The following GALNT2 variants were observed in gnomAD, a reference collection of about 807,000 sequenced individuals.
GALNT2 encodes polypeptide N-acetylgalactosaminyltransferase 2, also known as UDP-GalNAc:polypeptide N-acetylgalactosaminyltransferase 2.
A neutral mutation model predicts 81.4 loss-of-function variants in GALNT2; 31 were observed. That is an observed-to-expected ratio of 0.38 (90% CI 0.29 to 0.51). The LOEUF (loss-of-function observed/expected upper bound fraction) is 0.51, where lower values mean the gene tolerates loss of function less well. GALNT2 is among the 20% of genes least tolerant of loss of function. The probability of loss-of-function intolerance (pLI) is 0.87; values close to 1 mark genes in which losing one functional copy is unlikely to be tolerated. For synonymous variants in GALNT2, 303 were observed against 287.4 expected (o/e 1.05, Z -0.55); for missense variants, 629 against 765.7 (o/e 0.82, Z 2.11).
chr1:230,160,005 C>T (rs1662381967), intron 1 of GALNT2, among the ~76,000 whole-genome samples: 1 of 152,130 alleles, frequency 6.6e-6, no homozygotes, highest in Non-Finnish European at 1.5e-5. Context: ...AGCAGCCGCA[C>T]CACCCAGGTG....
intron 14 of GALNT2, among the ~76,000 whole-genome samples, chr1:230,270,866 T>A (rs1041912679): frequency 6.6e-6 from 1 of 152,222 alleles, no homozygotes; most frequent in Non-Finnish European, 1.5e-5. Context: ...CAAATTCAGA[T>A]AATTGAAATG....
At chr1:230,148,514 C>T (rs1429199087) in intron 1 of GALNT2, among the ~76,000 whole-genome samples, 1 of 152,236 alleles carries the variant, frequency 6.6e-6, no homozygotes, top group Non-Finnish European at 1.5e-5. Flanking sequence ...TTCTAGCGGT[C>T]CCTCACTCGC....
chr1:230,250,246 CA>C (rs1665502113), intron 9 of GALNT2, among the ~76,000 whole-genome samples: 1 of 152,196 alleles, frequency 6.6e-6, no homozygotes, highest in Non-Finnish European at 1.5e-5. Flanking sequence ...AACATCCAGG[CA>C]GGGACAGTGG....
chr1:230,276,278 AC>A (rs1441675713), intron 15 of GALNT2, among the ~76,000 whole-genome samples: 1 of 152,036 alleles, frequency 6.6e-6, no homozygotes, highest in African/African-American at 2.4e-5. Flanking sequence ...TTGTGGACAC[AC>A]CCTTTCTCAA....
intron 1 of GALNT2, among the ~76,000 whole-genome samples, chr1:230,109,181 C>G (rs1660629176): frequency 6.6e-6 from 1 of 152,246 alleles, no homozygotes; most frequent in African/African-American, 2.4e-5. Context: ...GGGGGTCTCC[C>G]TGGGAGCTGC....
chr1:230,239,021 G>A (rs1012247198), intron 6 of GALNT2, among the ~76,000 whole-genome samples: 3 of 152,096 alleles, frequency 2.0e-5, no homozygotes, highest in Non-Finnish European at 2.9e-5. Context: ...AATGGATATA[G>A]GCGTATTCAG....
chr1:230,091,777 C>T (rs1660090677), intron 1 of GALNT2: 1 of 152,380 alleles, frequency 6.6e-6, no homozygotes, highest in Non-Finnish European at 1.5e-5. Context: ...TTCAGTTATC[C>T]CAGCACTGGC....
intron 1 of GALNT2, among the ~76,000 whole-genome samples, chr1:230,177,388 C>T (rs1367315534): frequency 6.6e-6 from 1 of 152,234 alleles, no homozygotes; most frequent in Admixed American, 6.5e-5. Context: ...CAATGCTTGG[C>T]TCACAGGAGT....
intron 1 of GALNT2, among the ~76,000 whole-genome samples, chr1:230,077,458 A>G (rs1558272503): frequency 1.3e-5 from 2 of 152,250 alleles, no homozygotes; most frequent in African/African-American, 2.4e-5. Context: ...TAGGAAAGAA[A>G]AAACACTGTC....
At position 230,162,697 on chromosome 1, in the gene GALNT2, C is replaced by T. The variant is rs12030220; in HGVS notation, c.127-15521C>T. Among the ~76,000 whole-genome samples the T allele has an allele frequency of 1.4e-4, 21 of 152,342 alleles. No individual in the cohort carries two copies. The East Asian group carries it at 4.1e-3, about 29-fold the overall frequency. ...TTTATAAAAACAGTATGTGACTTAA[C>T]TGTTTGACTGTAGGTCATAAGACCC... is the stretch of plus-strand genomic sequence containing the variant. On this transcript the variant is annotated intron_variant, in intron 1 of 15. Transcript: ENST00000366672.
rs1572128872 is a variant in GALNT2 at position 230,243,244 on chromosome 1, A to G, written c.608-62A>G. On this transcript the variant is annotated intron_variant, in intron 6 of 15. Coordinates refer to ENST00000366672, the MANE Select transcript of GALNT2 (RefSeq NM_004481.5). The surrounding 1 kb of genome is among the most constrained non-coding windows in gnomAD (Gnocchi z 4.2). ...GGGCAGGGAGGCGTCGCCGGTTGGCATGGGGTTGTGCTGGCCCTGTGGCTT... is the reference window on the plus strand; with the variant it reads ...GGGCAGGGAGGCGTCGCCGGTTGGCGTGGGGTTGTGCTGGCCCTGTGGCTT... The G allele has an allele frequency of 3.3e-6, 5 of 1,519,036 alleles. No individual in the cohort carries two copies. Among genetic ancestry groups the G allele is most frequent in the Middle Eastern group, 1.7e-4 (1 of 5,750 alleles). The allele number at this position is 1,519,036 out of a possible 1,614,324, so 94.1% of individuals were successfully genotyped here.
In GALNT2 at chr1:230,265,321, A is replaced by T. The variant is rs1666002506; in HGVS notation, c.1394A>T (p.Asp465Val). The T allele has an allele frequency of 3.1e-6, 5 of 1,614,208 alleles. No homozygotes were observed. Among genetic ancestry groups the T allele is most frequent in the Non-Finnish European group, 4.2e-6 (5 of 1,180,048 alleles). Residue 465 changes from aspartate (D) to valine (V), a missense_variant, in exon 14 of 16, where the codon GAT (aspartate) becomes GTT (valine). By Grantham distance (152) the Asp-to-Val change is radical (BLOSUM62 -3). This residue lies in a region of GALNT2 where 207 missense variants were observed against 225.5 expected (regional missense o/e 0.92). Coordinates refer to ENST00000366672, the MANE Select transcript of GALNT2 (RefSeq NM_004481.5). Reference protein sequence around the residue: ...NCLDTLGHFADGVVGVYECHN... With the variant: ...NCLDTLGHFAVGVVGVYECHN... ...CTCGACACTTTGGGACACTTTGCTG[A>T]TGGTGTGGTTGGAGTTTATGAATGT...
At chr1:230,162,182 A>G (rs1662456630) in intron 1 of GALNT2, among the ~76,000 whole-genome samples, 1 of 152,192 alleles carries the variant, frequency 6.6e-6, no homozygotes, top group African/African-American at 2.4e-5. Flanking sequence ...TTTCACAAGC[A>G]CTGAAGACTA....
intron 1 of GALNT2, among the ~76,000 whole-genome samples, chr1:230,156,866 C>T (rs375872024): frequency 1.3e-5 from 2 of 152,122 alleles, no homozygotes; most frequent in Non-Finnish European, 2.9e-5. Context: ...GGAAGCTAGC[C>T]GTCTTGTTTG....
intron 1 of GALNT2, among the ~76,000 whole-genome samples, chr1:230,107,133 T>C (rs923569343): frequency 1.3e-5 from 2 of 152,142 alleles, no homozygotes; most frequent in Non-Finnish European, 2.9e-5. Context: ...GAATAGACAA[T>C]CTTAAATGTC....
At position 230,070,017 on chromosome 1, in the gene GALNT2, G is replaced by A. The variant is rs56387359; in HGVS notation, c.126+2611G>A. 0.12 allele frequency among the ~76,000 whole-genome samples: 18,139 copies of A among 152,098 alleles called. 1,493 individuals are homozygous for A. The highest frequency in any genetic ancestry group is 0.35 in the East Asian group (1,788 of 5,158). On this transcript the variant is annotated intron_variant, in intron 1 of 15. Transcript: ENST00000366672. This position sits in a 1 kb window ranked among gnomAD's most constrained non-coding sequence, Gnocchi z 4.7. ...AGGCTTGTCATTGTGTGCCCTGCCT[G>A]TTAAGTAACTCATCACAGAACTGTT... is the stretch of plus-strand genomic sequence containing the variant.
chr1:230,165,125 T>C (rs1167012164), intron 1 of GALNT2, among the ~76,000 whole-genome samples: 1 of 152,226 alleles, frequency 6.6e-6, no homozygotes, highest in African/African-American at 2.4e-5. Context: ...AAAGAACATG[T>C]GAAAGTCTGA....
intron 1 of GALNT2, among the ~76,000 whole-genome samples, chr1:230,109,142 C>A (rs954131891): frequency 6.6e-6 from 1 of 152,258 alleles, no homozygotes; most frequent in South Asian, 2.1e-4. Flanking sequence ...GTAGCCTCCC[C>A]TGGGCGTTGG....
intron 14 of GALNT2, 119 bp from the exon 15 acceptor site, chr1:230,274,326 G>T: frequency 7.4e-7 from 1 of 1,350,368 alleles, no homozygotes; most frequent in Non-Finnish European, 1.0e-6. Flanking sequence ...TGGCTCAGGG[G>T]TTCTGAATCT....
Sources: gnomAD v4.1 joint callset for allele counts (sites outside exome capture counted in the v4.1 genomes callset) on GRCh38, gnomAD v4.1.1 for gene constraint, gnomAD v4.1.1 regional missense constraint, Gnocchi (gnomAD v3.1) non-coding constraint, MANE v1.5 for transcripts, NCBI Gene and HGNC (gene_info 2026-07-23, HGNC 2026-07-21) for gene names.